OPCML: variants seen among roughly 807,000 people sequenced by gnomAD.
OPCML encodes opioid binding protein/cell adhesion molecule like, also known as opioid-binding protein/cell adhesion molecule.
Under a neutral mutation model 37.8 loss-of-function variants are expected in OPCML, and 13 were observed. The observed-to-expected ratio is 0.34, with a 90% CI of 0.22 to 0.55. The LOEUF (loss-of-function observed/expected upper bound fraction) is 0.55, where lower values mean the gene tolerates loss of function less well. Among genes scored for constraint, OPCML ranks in the 20% least tolerant of loss-of-function variants. The pLI is 0.91. For synonymous variants in OPCML, 176 were observed against 168.8 expected (o/e 1.04, Z -0.33); for missense variants, 341 against 435.6 (o/e 0.78, Z 1.93).
rs150354060 is a variant in OPCML, at chr11:132,774,147, A to G, written c.147-116828T>C. 4.0e-3 allele frequency among the ~76,000 whole-genome samples: 609 copies of G among 152,192 alleles called. 7 individuals are homozygous for G. Among genetic ancestry groups the G allele is most frequent in the African/African-American group, 0.014 (586 of 41,524 alleles). On this transcript the variant is annotated intron_variant, in intron 2 of 7. Coordinates refer to ENST00000524381, the MANE Select transcript of OPCML (RefSeq NM_001012393.5). Reference sequence around the variant, plus strand: ...TTGAACAGACTGTACTCTATGTGTTAAGCTTCATTGGGGTCCATTTTAAAT... The same window carrying G: ...TTGAACAGACTGTACTCTATGTGTTGAGCTTCATTGGGGTCCATTTTAAAT...
At chr11:132,824,737 C>T (rs779259460) in intron 2 of OPCML, among the ~76,000 whole-genome samples, 9 of 152,190 alleles carry the variant, frequency 5.9e-5, no homozygotes, top group Non-Finnish European at 1.0e-4. Flanking sequence ...AAACAACTTC[C>T]CGTGGCTGTA....
intron 2 of OPCML, among the ~76,000 whole-genome samples, chr11:132,692,763 A>G (rs1484330022): frequency 6.6e-6 from 1 of 152,214 alleles, no homozygotes; most frequent in Non-Finnish European, 1.5e-5. Flanking sequence ...AGCAAACATC[A>G]CCAACATTTA....
intron 2 of OPCML, among the ~76,000 whole-genome samples, chr11:132,814,776 G>A (rs1052282625): frequency 3.9e-5 from 6 of 152,210 alleles, no homozygotes; most frequent in Admixed American, 3.3e-4. Flanking sequence ...TTGCTATGGG[G>A]GGCTGTGGAG....
chr11:133,131,873 C>A (rs1311804739), intron 1 of OPCML, among the ~76,000 whole-genome samples: 11 of 152,140 alleles, frequency 7.2e-5, no homozygotes, highest in Middle Eastern at 3.4e-3. Flanking sequence ...AAAAATAGTC[C>A]TTTAAACAAA....
intron 4 of OPCML, among the ~76,000 whole-genome samples, chr11:132,490,810 CA>C (rs1014822376): frequency 2.0e-3 from 255 of 126,172 alleles, no homozygotes; most frequent in Non-Finnish European, 3.4e-3. Flanking sequence ...GACTCTATCT[CA>C]AAAAAAAAGA....
chr11:133,041,834 C>T (rs768880187), intron 1 of OPCML, among the ~76,000 whole-genome samples: 5 of 152,180 alleles, frequency 3.3e-5, no homozygotes, highest in Non-Finnish European at 7.3e-5. Context: ...CTTCGGGCCC[C>T]TCCAGTCCCA....
intron 1 of OPCML, among the ~76,000 whole-genome samples, chr11:133,523,199 T>C (rs1454814634): frequency 1.3e-5 from 2 of 152,132 alleles, no homozygotes; most frequent in Non-Finnish European, 2.9e-5. Context: ...AGTTAAGAGA[T>C]TGAGATTATT....
Position 133,532,383 on chromosome 11 carries a change from C to A in OPCML, c.-59G>T. The A allele has an allele frequency of 6.3e-7, 1 of 1,582,794 alleles. No individual in the cohort carries two copies. The highest frequency in any genetic ancestry group is 1.1e-5 in the South Asian group (1 of 87,744). Reference sequence around the variant, plus strand: ...GCTACTGCTTCTGCTGCTGCTACCGCTGCTGCCTTCCTCTGTGCTGAATTC... The same window carrying A: ...GCTACTGCTTCTGCTGCTGCTACCGATGCTGCCTTCCTCTGTGCTGAATTC... On this transcript the variant is annotated 5_prime_UTR_variant, in exon 1 of 8. Coordinates refer to ENST00000524381, the MANE Select transcript of OPCML (RefSeq NM_001012393.5).
intron 1 of OPCML, among the ~76,000 whole-genome samples, chr11:133,192,972 G>C (rs1938385632): frequency 6.6e-6 from 1 of 151,436 alleles, no homozygotes; most frequent in Admixed American, 6.6e-5. Context: ...AGATTTTTTG[G>C]CTGTAGGTTT....
intron 1 of OPCML, among the ~76,000 whole-genome samples, chr11:133,531,083 A>T (rs769570779): frequency 1.3e-5 from 2 of 152,154 alleles, no homozygotes; most frequent in Non-Finnish European, 2.9e-5. Flanking sequence ...ATTTATCTCA[A>T]TTTGGGGGAA....
intron 1 of OPCML, among the ~76,000 whole-genome samples, chr11:133,512,931 C>G (rs542338454): frequency 6.6e-6 from 1 of 152,324 alleles, no homozygotes; most frequent in African/African-American, 2.4e-5. Flanking sequence ...CAATATCACA[C>G]CATGTAAACC....
intron 4 of OPCML, among the ~76,000 whole-genome samples, chr11:132,508,648 T>C (rs1411154801): frequency 6.6e-6 from 1 of 152,128 alleles, no homozygotes; most frequent in Non-Finnish European, 1.5e-5. Context: ...TGATAGTGAA[T>C]AGGTCTTATG....
intron 1 of OPCML, among the ~76,000 whole-genome samples, chr11:133,458,335 TAC>T (rs1434662911): frequency 9.2e-5 from 1 of 10,876 alleles, no homozygotes; most frequent in Non-Finnish European, 1.3e-4. Context: ...TGTATATATA[TAC>T]ACATATATAC....
At chr11:133,243,212 T>A (rs1387993498) in intron 1 of OPCML, among the ~76,000 whole-genome samples, 1 of 152,108 alleles carries the variant, frequency 6.6e-6, no homozygotes, top group Admixed American at 6.5e-5. Context: ...TGAAAGAATA[T>A]CTAGTGCAGT....
At chr11:132,476,848 A>C (rs1236671471) in intron 4 of OPCML, among the ~76,000 whole-genome samples, 1 of 151,210 alleles carries the variant, frequency 6.6e-6, no homozygotes, top group African/African-American at 2.4e-5. Context: ...AATAATAAAA[A>C]AATTAAAAAA....
intron 1 of OPCML, among the ~76,000 whole-genome samples, chr11:133,098,309 G>A (rs996868695): frequency 1.0e-4 from 15 of 147,318 alleles, no homozygotes; most frequent in African/African-American, 2.3e-4. Flanking sequence ...TCTGCCTCCC[G>A]CGTTCATGCC....
rs557104748 is a variant in OPCML, at chr11:133,499,958, G to A, written c.61+32306C>T. ...GAGATCTCGGCTCACTGCAACCTCC[G>A]CCCCCCGGGTTCAAGCAATTCTCCT... is the stretch of plus-strand genomic sequence containing the variant. On this transcript the variant is annotated intron_variant, in intron 1 of 7. Coordinates refer to ENST00000524381, the MANE Select transcript of OPCML (RefSeq NM_001012393.5). 6.4e-5 allele frequency among the ~76,000 whole-genome samples: 9 copies of A among 141,252 alleles called. No homozygotes were observed. In the East Asian group the frequency reaches 8.5e-4, roughly 13 times the overall value. 92.7% of individuals were successfully genotyped at this position (141,252 alleles called of 152,430 possible). A position where few individuals can be genotyped will look rare whatever the true frequency, so the allele number is the denominator to read the frequency against.
At chr11:133,169,335 TGAG>T in intron 1 of OPCML, among the ~76,000 whole-genome samples, 1 of 152,060 alleles carries the variant, frequency 6.6e-6, no homozygotes, top group East Asian at 1.9e-4. Flanking sequence ...AAAAACCACA[TGAG>T]AAGGAAATGA....
intron 1 of OPCML, among the ~76,000 whole-genome samples, chr11:133,484,101 G>A (rs866558699): frequency 1.6e-4 from 24 of 147,654 alleles, no homozygotes; most frequent in South Asian, 4.3e-4. Context: ...TGAATAGATA[G>A]ATTAGATAGA....
Sources: allele counts gnomAD v4.1 joint callset (sites outside exome capture counted in the v4.1 genomes callset), GRCh38; gene constraint gnomAD v4.1.1; transcripts MANE v1.5; gene names NCBI Gene and HGNC (gene_info 2026-07-23, HGNC 2026-07-21).